The following SKAP1 variants were observed in gnomAD, a reference collection of about 807,000 sequenced individuals.
SKAP1 encodes src kinase-associated phosphoprotein 1.
In SKAP1, 44 loss-of-function variants were observed where a neutral mutation model predicts 58.5. The observed-to-expected ratio is 0.75, with a 90% CI of 0.59 to 0.97. The LOEUF (loss-of-function observed/expected upper bound fraction) is 0.97, where lower values mean the gene tolerates loss of function less well. Ranked by LOEUF, SKAP1 falls within the 50% of genes least tolerant of loss-of-function variation. The pLI is 0.00. For missense variants in SKAP1, 390 were observed against 435.2 expected, an observed-to-expected ratio of 0.90 and a Z score of 0.92; for synonymous variants, 127 against 149.7, an observed-to-expected ratio of 0.85 and a Z score of 1.11.
At chr17:48,349,681 A>C (rs2066771870) in intron 3 of SKAP1, among the ~76,000 whole-genome samples, 1 of 152,128 alleles carries the variant, frequency 6.6e-6, no homozygotes, top group African/African-American at 2.4e-5. Flanking sequence ...CACCCAGTAC[A>C]TGTTGAGGGG....
At chr17:48,282,809 T>C (rs1195350837) in intron 4 of SKAP1, among the ~76,000 whole-genome samples, 2 of 151,722 alleles carry the variant, frequency 1.3e-5, no homozygotes, top group African/African-American at 4.8e-5. Flanking sequence ...AAAAAGAAAC[T>C]GCCCTTTTTT....
upstream of SKAP1, chr17:48,430,309 A>C: frequency 3.4e-6 from 1 of 293,458 alleles, no homozygotes; most frequent in Non-Finnish European, 6.1e-6. Flanking sequence ...GCAGGCGGGG[A>C]CCGGAACGGG....
rs1488989398 is a variant in SKAP1 at position 48,184,752 on chromosome 17, G to A, written c.538C>T (p.Leu180=). Residue 180 remains leucine, a synonymous_variant, in exon 7 of 13, where the codon CTG becomes TTG. Transcript: ENST00000336915. ...RDSKKESCFE[L]TSQDRRSYEF... ...TAGCTGCGCCTATCCTGGGAGGTCA[G>A]TTCAAAGCAGGATTCTTTCTTGGAA... is the stretch of plus-strand genomic sequence containing the variant. 1 of 1,614,070 alleles carries A rather than the reference G, an allele frequency of 6.2e-7. No homozygotes were observed. The highest frequency in any genetic ancestry group is 2.2e-5 in the East Asian group (1 of 44,880).
At chr17:48,225,354 C>A (rs910724356) in intron 4 of SKAP1, among the ~76,000 whole-genome samples, 8 of 152,264 alleles carry the variant, frequency 5.3e-5, no homozygotes, top group African/African-American at 1.7e-4. Flanking sequence ...TCTTGCCACA[C>A]ATTTATTTAT....
intron 4 of SKAP1, among the ~76,000 whole-genome samples, chr17:48,262,060 T>C (rs2065491573): frequency 1.3e-5 from 2 of 152,184 alleles, no homozygotes; most frequent in African/African-American, 2.4e-5. Context: ...ACTGAACATA[T>C]TGAGACATGA....
At chr17:48,217,622 G>A (rs2064955900) in intron 4 of SKAP1, among the ~76,000 whole-genome samples, 3 of 151,988 alleles carry the variant, frequency 2.0e-5, no homozygotes, top group Admixed American at 2.0e-4. Context: ...CTCCAGCTTG[G>A]GTGACAGAGG....
chr17:48,249,924 C>T (rs976728533), intron 4 of SKAP1, among the ~76,000 whole-genome samples: 1 of 151,746 alleles, frequency 6.6e-6, no homozygotes, highest in Non-Finnish European at 1.5e-5. Flanking sequence ...TCTGTTACAG[C>T]TCAGAAGGGT....
intron 4 of SKAP1, among the ~76,000 whole-genome samples, chr17:48,340,881 G>A (rs187117218): frequency 1.3e-5 from 2 of 152,140 alleles, no homozygotes; most frequent in Non-Finnish European, 2.9e-5. Context: ...ATTATATCCA[G>A]TGAAAAAAGC....
rs568455603 is a variant in SKAP1 at position 48,321,653 on chromosome 17, C to T, written c.280+24252G>A. On this transcript the variant is annotated intron_variant, in intron 4 of 12. Coordinates refer to ENST00000336915, the MANE Select transcript of SKAP1 (RefSeq NM_003726.4). ...TCGGCCTCCCAAAGTGCTGGGATTA[C>T]AGGCGTGAGCCACCGCGCTCGGCCT... Among the ~76,000 whole-genome samples, 76 of 152,228 alleles carry T rather than the reference C, an allele frequency of 5.0e-4. 1 individual carries two copies. The highest frequency in any genetic ancestry group is 1.3e-3 in the Admixed American group (20 of 15,296).
At chr17:48,250,299 T>TTTTTTTG (rs2065348294) in intron 4 of SKAP1, among the ~76,000 whole-genome samples, 1 of 104,976 alleles carries the variant, frequency 9.5e-6, no homozygotes, top group African/African-American at 4.0e-5. Context: ...TTTTTTTTTT[T>TTTTTTTG]GAGATGGAGT....
At chr17:48,362,074 G>T (rs2066945402) in intron 3 of SKAP1, among the ~76,000 whole-genome samples, 1 of 152,162 alleles carries the variant, frequency 6.6e-6, no homozygotes, top group Non-Finnish European at 1.5e-5. Context: ...AATGCACTAA[G>T]ACTTTGCCAC....
chr17:48,206,322 G>T (rs1314327954), intron 4 of SKAP1, among the ~76,000 whole-genome samples: 4 of 152,050 alleles, frequency 2.6e-5, no homozygotes, highest in Non-Finnish European at 4.4e-5. Context: ...ATGGGGGAAG[G>T]GGTGTGGAGC....
rs530787668 is a variant in SKAP1 at position 48,396,730 on chromosome 17, T to G, written c.102A>C (p.Ala34=). 9 of 1,613,746 alleles carry G rather than the reference T, an allele frequency of 5.6e-6. No individual in the cohort carries two copies. Among genetic ancestry groups the G allele is most frequent in the African/African-American group, 1.3e-5 (1 of 75,028 alleles). Residue 34 remains alanine (A), a synonymous_variant, in exon 2 of 13, where the codon GCA becomes GCC. Coordinates refer to ENST00000336915, the MANE Select transcript of SKAP1 (RefSeq NM_003726.4). ...GTAGAATATGGTCTCTGTGATCCCT[T>G]GCAACAGCGCTGAGGTTCTCATTCC... ...GLRNENLSAV[A]RDHRDHILRG...
Position 48,201,570 on chromosome 17 carries a change from A to G in SKAP1, c.281-12070T>C, listed in dbSNP as rs570291176. ...GGCTAATTTATTTCTTATTTTTGGT[A>G]GAGACAGGGTCTCACTATGTTTCCC... is the stretch of plus-strand genomic sequence containing the variant. On this transcript the variant is annotated intron_variant, in intron 4 of 12. Coordinates refer to ENST00000336915, the MANE Select transcript of SKAP1 (RefSeq NM_003726.4). 1.7e-4 allele frequency among the ~76,000 whole-genome samples: 26 copies of G among 152,188 alleles called. No individual in the cohort carries two copies. The South Asian group carries it at 5.0e-3, about 29-fold the overall frequency.
At chr17:48,276,991 G>A (rs1252431734) in intron 4 of SKAP1, among the ~76,000 whole-genome samples, 1 of 152,182 alleles carries the variant, frequency 6.6e-6, no homozygotes, top group African/African-American at 2.4e-5. Context: ...TAGTGTCTGT[G>A]ATTATGAATC....
At chr17:48,239,628 C>T (rs2065221346) in intron 4 of SKAP1, among the ~76,000 whole-genome samples, 2 of 152,136 alleles carry the variant, frequency 1.3e-5, no homozygotes, top group Non-Finnish European at 2.9e-5. Flanking sequence ...CAGAATTATT[C>T]TTCCATTGAA....
At chr17:48,152,354 A>C (rs1053293459) in intron 11 of SKAP1, among the ~76,000 whole-genome samples, 6 of 152,212 alleles carry the variant, frequency 3.9e-5, no homozygotes, top group Non-Finnish European at 5.9e-5. Flanking sequence ...TGGTGGCAGA[A>C]GAGGTTTGGG....
At chr17:48,187,795 G>T in intron 6 of SKAP1, 48 bp downstream of exon 6, 1 of 1,332,602 alleles carries the variant, frequency 7.5e-7, no homozygotes, top group Non-Finnish European at 1.1e-6. Context: ...TTTACGAAGT[G>T]TTTGCATCCA....
chr17:48,214,076 A>G (rs1480980552), intron 4 of SKAP1, among the ~76,000 whole-genome samples: 1 of 152,266 alleles, frequency 6.6e-6, no homozygotes, highest in East Asian at 1.9e-4. Context: ...TTCATAAAAT[A>G]AAAAGCGTTT....
Sources: allele counts gnomAD v4.1 joint callset (sites outside exome capture counted in the v4.1 genomes callset), GRCh38; gene constraint gnomAD v4.1.1; transcripts MANE v1.5; gene names NCBI Gene and HGNC (gene_info 2026-07-23, HGNC 2026-07-21).